Variants in MIS18A observed in about 807,000 individuals in gnomAD.
MIS18A encodes the protein MIS18 kinetochore protein A.
A neutral mutation model predicts 25.0 loss-of-function variants in MIS18A; 14 were observed. The observed-to-expected ratio is 0.56, with a 90% CI of 0.37 to 0.88. The LOEUF is 0.88. Among genes scored for constraint, MIS18A ranks in the 40% least tolerant of loss-of-function variants. The probability of loss-of-function intolerance (pLI) is 0.00; values close to 1 mark genes in which losing one functional copy is unlikely to be tolerated. For missense variants in MIS18A, 292 were observed against 290.8 expected, an observed-to-expected ratio of 1.00 and a Z score of -0.03; for synonymous variants, 134 against 118.6, an observed-to-expected ratio of 1.13 and a Z score of -0.84.
chr21:32,276,646 T>C (rs2031816306), intron 1 of MIS18A, among the ~76,000 whole-genome samples: 2 of 151,860 alleles, frequency 1.3e-5, no homozygotes, highest in Non-Finnish European at 2.9e-5. Flanking sequence ...ATAAACTTTA[T>C]AGGATTGGGT....
chr21:32,270,699 A>C, intron 2 of MIS18A, 170 bp from the exon 3 acceptor site: 1 of 620,984 alleles, frequency 1.6e-6, no homozygotes. Context: ...TACAATAAAA[A>C]TGTAAAGACA....
chr21:32,166,048 C>T, the MIS18A span, among the ~76,000 whole-genome samples: 39 of 152,078 alleles, frequency 2.6e-4, no homozygotes, highest in African/African-American at 7.0e-4. Context: ...GATGCTAGGA[C>T]GGGAACTAAA....
the MIS18A span, among the ~76,000 whole-genome samples, chr21:32,212,355 C>T: frequency 6.6e-6 from 1 of 152,210 alleles, no homozygotes; most frequent in African/African-American, 2.4e-5. Context: ...TAGCAGCTCA[C>T]TGCCTCCATC....
the MIS18A span, among the ~76,000 whole-genome samples, chr21:32,185,939 T>C: frequency 6.6e-6 from 1 of 152,210 alleles, no homozygotes; most frequent in Non-Finnish European, 1.5e-5. Flanking sequence ...TTTGGCTCCC[T>C]GGTAAGTTAC....
At chr21:32,270,664 T>C (rs1722201801) in intron 2 of MIS18A, 135 bp from the exon 3 acceptor site, 1 of 873,318 alleles carries the variant, frequency 1.1e-6, no homozygotes, top group Non-Finnish European at 1.5e-6. Flanking sequence ...ACATAAAGGA[T>C]AGGAAAAAAT....
the MIS18A span, among the ~76,000 whole-genome samples, chr21:32,237,932 A>C: frequency 6.6e-6 from 1 of 152,140 alleles, no homozygotes; most frequent in Non-Finnish European, 1.5e-5. Context: ...CAGTGGCTCT[A>C]TGGTGTCATT....
At chr21:32,194,800 A>G in the MIS18A span, among the ~76,000 whole-genome samples, 1 of 152,368 alleles carries the variant, frequency 6.6e-6, no homozygotes, top group South Asian at 2.1e-4. Flanking sequence ...ACAGAAAGCC[A>G]AAAACTGCAA....
chr21:32,180,894 G>A, the MIS18A span, among the ~76,000 whole-genome samples: 56 of 152,180 alleles, frequency 3.7e-4, 1 homozygote, highest in Non-Finnish European at 1.0e-4. Context: ...TCTGAAGAGT[G>A]AGCTGAGATC....
chr21:32,155,319 C>T, the MIS18A span, among the ~76,000 whole-genome samples: 1 of 151,822 alleles, frequency 6.6e-6, no homozygotes, highest in South Asian at 2.1e-4. Context: ...CTGGCCCTTA[C>T]AAATTGTACA....
At chr21:32,177,218 TAATA>T in the MIS18A span, among the ~76,000 whole-genome samples, 1 of 152,294 alleles carries the variant, frequency 6.6e-6, no homozygotes, top group African/African-American at 2.4e-5. Context: ...AAGACCATCT[TAATA>T]AATGCAGAAA....
At chr21:32,158,821 C>T in the MIS18A span, among the ~76,000 whole-genome samples, 4,483 of 134,938 alleles carry the variant, frequency 0.033, 224 homozygotes, top group African/African-American at 0.13. Context: ...TATACAACAC[C>T]CTTAAAAATT....
the MIS18A span, among the ~76,000 whole-genome samples, chr21:32,226,557 CAT>C: frequency 7.2e-5 from 11 of 152,040 alleles, no homozygotes; most frequent in Non-Finnish European, 1.5e-5. Context: ...CAATTATAAA[CAT>C]AGAAGGACCT....
chr21:32,269,946 T>C (rs2031682407), intron 3 of MIS18A, 143 bp from the exon 4 acceptor site: 2 of 610,968 alleles, frequency 3.3e-6, no homozygotes, highest in Admixed American at 6.0e-5. Context: ...CCGGGCAATA[T>C]GCCTGTAGTC....
chr21:32,243,999 A>C, the MIS18A span, among the ~76,000 whole-genome samples: 1 of 152,180 alleles, frequency 6.6e-6, no homozygotes, highest in East Asian at 1.9e-4. Flanking sequence ...ACACTATAAA[A>C]CTGGAAACCA....
rs1161718925 is a variant in MIS18A at position 32,270,340 on chromosome 21, T to C, written c.524+67A>G. The stretch of plus-strand genomic sequence containing the variant: ...TAACCAAACAGTATTGATTTAGTTC[T>C]GACAATTCCGTGCCTTAACTTTCTG... On this transcript the variant is annotated intron_variant, in intron 3 of 4. Coordinates refer to ENST00000290130, the MANE Select transcript of MIS18A (RefSeq NM_018944.3). The C allele has an allele frequency of 2.5e-6, 4 of 1,569,640 alleles. No individual in the cohort carries two copies. The African/African-American group carries it at 4.1e-5, about 16-fold the overall frequency.
chr21:32,230,709 TC>T, the MIS18A span, among the ~76,000 whole-genome samples: 1 of 152,164 alleles, frequency 6.6e-6, no homozygotes, highest in Non-Finnish European at 1.5e-5. Flanking sequence ...GAAGTTGGAC[TC>T]CTATTTCATA....
chr21:32,200,448 T>C, the MIS18A span, among the ~76,000 whole-genome samples: 1 of 151,682 alleles, frequency 6.6e-6, no homozygotes, highest in Admixed American at 6.6e-5. Flanking sequence ...TTTTTTTTTT[T>C]TTTGAGACGG....
the MIS18A span, chr21:32,156,381 C>A: frequency 6.6e-6 from 1 of 151,928 alleles, no homozygotes; most frequent in Non-Finnish European, 1.5e-5. Flanking sequence ...CAAAATACCT[C>A]AGTTGTTGTT....
the MIS18A span, among the ~76,000 whole-genome samples, chr21:32,219,075 A>G: frequency 6.6e-6 from 1 of 152,020 alleles, no homozygotes; most frequent in African/African-American, 2.4e-5. Context: ...CTCAAAAAAA[A>G]AAAAAAAAAT....
Sources: allele counts gnomAD v4.1 joint callset (sites outside exome capture counted in the v4.1 genomes callset), GRCh38; gene constraint gnomAD v4.1.1; transcripts MANE v1.5; gene names NCBI Gene and HGNC (gene_info 2026-07-23, HGNC 2026-07-21).